SLC1A2: variants seen among roughly 807,000 people sequenced by gnomAD.
SLC1A2 encodes the protein solute carrier family 1 member 2, also known as excitatory amino acid transporter 2.
In SLC1A2, 15 loss-of-function variants were observed where a neutral mutation model predicts 48.8. That is an observed-to-expected ratio of 0.31 (90% CI 0.21 to 0.47). SLC1A2 has a LOEUF of 0.47. Among genes scored for constraint, SLC1A2 ranks in the 20% least tolerant of loss-of-function variants. The pLI, the probability that SLC1A2 is intolerant of heterozygous loss-of-function variation, is 0.99. For missense variants in SLC1A2, 502 were observed against 730.5 expected (o/e 0.69, Z 3.61); for synonymous variants, 279 against 272.6 (o/e 1.02, Z -0.23).
chr11:35,332,019 G>A (rs950857410), intron 1 of SLC1A2, among the ~76,000 whole-genome samples: 10 of 152,230 alleles, frequency 6.6e-5, no homozygotes, highest in South Asian at 4.2e-4. Context: ...CTCTGACAGC[G>A]AGTGGCAGGA....
chr11:35,351,238 C>A (rs916734260), intron 1 of SLC1A2, among the ~76,000 whole-genome samples: 7 of 152,358 alleles, frequency 4.6e-5, no homozygotes, highest in Admixed American at 3.9e-4. Flanking sequence ...GAGACAGAAT[C>A]CAAGCCAGGA....
chr11:35,289,768 CT>C (rs1424559720), intron 7 of SLC1A2, among the ~76,000 whole-genome samples: 5 of 152,160 alleles, frequency 3.3e-5, no homozygotes, highest in Admixed American at 2.0e-4. Context: ...GTATTGATAG[CT>C]TTGACTAAGT....
intron 1 of SLC1A2, among the ~76,000 whole-genome samples, chr11:35,338,182 G>C (rs1487533749): frequency 6.6e-6 from 1 of 151,566 alleles, no homozygotes; most frequent in Non-Finnish European, 1.5e-5. Context: ...TTTACCTATT[G>C]TCTACGGTTA....
chr11:35,322,435 G>T (rs1453136731), intron 1 of SLC1A2: 2 of 626,056 alleles, frequency 3.2e-6, no homozygotes. Flanking sequence ...ACCTTAGCTG[G>T]CACCAAACTC....
At chr11:35,407,248 C>T (rs1855326019) in intron 1 of SLC1A2, among the ~76,000 whole-genome samples, 1 of 152,180 alleles carries the variant, frequency 6.6e-6, no homozygotes, top group South Asian at 2.1e-4. Flanking sequence ...CAGCCATTTC[C>T]TCCCTGTCCC....
intron 7 of SLC1A2, among the ~76,000 whole-genome samples, chr11:35,288,909 A>T (rs1187301115): frequency 1.3e-5 from 2 of 152,056 alleles, no homozygotes; most frequent in Non-Finnish European, 2.9e-5. Context: ...TCTACTGGAC[A>T]GGCTTTTTGT....
At chr11:35,272,796 G>T (rs1052360921) in intron 9 of SLC1A2, among the ~76,000 whole-genome samples, 4 of 152,172 alleles carry the variant, frequency 2.6e-5, no homozygotes, top group African/African-American at 9.7e-5. Flanking sequence ...AGCAGATCTT[G>T]CATTTCATGG....
chr11:35,382,611 C>T (rs572595827), intron 1 of SLC1A2, among the ~76,000 whole-genome samples: 157 of 152,348 alleles, frequency 1.0e-3, no homozygotes, highest in African/African-American at 3.5e-3. Context: ...GCCTGGCCAA[C>T]ATGGTGAAAC....
chr11:35,343,820 T>A (rs1371309726), intron 1 of SLC1A2, among the ~76,000 whole-genome samples: 1 of 149,736 alleles, frequency 6.7e-6, no homozygotes, highest in Non-Finnish European at 1.5e-5. Context: ...ACACACACAT[T>A]TTTACACAGA....
intron 1 of SLC1A2, among the ~76,000 whole-genome samples, chr11:35,394,505 A>G (rs34110770): frequency 0.034 from 5,156 of 152,286 alleles, 268 homozygotes; most frequent in African/African-American, 0.12. Flanking sequence ...TCAAAAGAGC[A>G]TGAACTTTGG....
At chr11:35,348,936 T>C (rs950504356) in intron 1 of SLC1A2, among the ~76,000 whole-genome samples, 5 of 148,402 alleles carry the variant, frequency 3.4e-5, no homozygotes, top group Admixed American at 6.7e-5. Flanking sequence ...GAGGGAATCA[T>C]TGGGAACAGG....
chr11:35,402,716 T>C (rs552794338), intron 1 of SLC1A2, among the ~76,000 whole-genome samples: 2 of 152,052 alleles, frequency 1.3e-5, no homozygotes, highest in African/African-American at 2.4e-5. Flanking sequence ...CCTCAATCTG[T>C]AGGATAGCCA....
chr11:35,418,972 G>T lies in SLC1A2; in HGVS notation c.-6C>A. The T allele has an allele frequency of 6.4e-7, 1 of 1,566,884 alleles. No homozygotes were observed. Among genetic ancestry groups the T allele is most frequent in the East Asian group, 2.4e-5 (1 of 42,374 alleles). ...CACCCTTCCGTAGATGCCATGGTCT[G>T]GGGAACGCCCCCTCCTCTTCAGCAC... On this transcript the variant is annotated 5_prime_UTR_variant, in exon 1 of 11. Transcript: ENST00000278379.
At chr11:35,386,420 G>A (rs908588093) in intron 1 of SLC1A2, among the ~76,000 whole-genome samples, 4 of 152,266 alleles carry the variant, frequency 2.6e-5, no homozygotes, top group South Asian at 2.1e-4. Context: ...AGTCACTGCT[G>A]TAATGAAATT....
chr11:35,393,530 A>AC (rs1029856503), intron 1 of SLC1A2, among the ~76,000 whole-genome samples: 3 of 151,690 alleles, frequency 2.0e-5, no homozygotes, highest in African/African-American at 4.8e-5. Flanking sequence ...GGCATCTGAC[A>AC]CCCCCCTCTT....
At chr11:35,395,559 C>A (rs1854925019) in intron 1 of SLC1A2, among the ~76,000 whole-genome samples, 1 of 152,038 alleles carries the variant, frequency 6.6e-6, no homozygotes, top group South Asian at 2.1e-4. Flanking sequence ...AGGCAAGTCT[C>A]CTAAAGCTTC....
chr11:35,326,006 G>A (rs1401614372), intron 1 of SLC1A2, among the ~76,000 whole-genome samples: 3 of 151,734 alleles, frequency 2.0e-5, no homozygotes, highest in East Asian at 3.9e-4. Flanking sequence ...CCTGCATTGG[G>A]AAAACCAGTG....
chr11:35,322,550 GCTTCACCCACCTGTC>G, intron 1 of SLC1A2: 1 of 1,482,550 alleles, frequency 6.7e-7, no homozygotes, highest in Non-Finnish European at 9.1e-7. Context: ...TTTGCAATGG[GCTTCACCCACCTGTC>G]CTTCCACTGC....
At chr11:35,374,472 T>G (rs1854157176) in intron 1 of SLC1A2, 1 of 315,104 alleles carries the variant, frequency 3.2e-6, no homozygotes, top group Non-Finnish European at 6.5e-6. Context: ...ACCCCAAATT[T>G]AAAGAACGAG....
Sources: allele counts gnomAD v4.1 joint callset (sites outside exome capture counted in the v4.1 genomes callset), GRCh38; gene constraint gnomAD v4.1.1; transcripts MANE v1.5; gene names NCBI Gene and HGNC (gene_info 2026-07-23, HGNC 2026-07-21).